Variants in ART3 observed in about 807,000 individuals in gnomAD.
ART3 encodes the protein ADP-ribosyltransferase 3 (inactive), also known as ecto-ADP-ribosyltransferase 3.
A neutral mutation model predicts 48.5 loss-of-function variants in ART3; 49 were observed. That is an observed-to-expected ratio of 1.01 (90% CI 0.80 to 1.28). The LOEUF is 1.28. Ranked by LOEUF, ART3 falls within the 50% of genes most tolerant of loss-of-function variation. ART3 has a pLI of 0.00. For synonymous variants in ART3, 145 were observed against 157.2 expected, an observed-to-expected ratio of 0.92 and a Z score of 0.58; for missense variants, 438 against 454.3, an observed-to-expected ratio of 0.96 and a Z score of 0.33.
At chr4:76,073,674 C>T (rs369112136), upstream of ART3, among the ~76,000 whole-genome samples, 1 of 152,222 alleles carries the variant, frequency 6.6e-6, no homozygotes, top group Non-Finnish European at 1.5e-5. Flanking sequence ...ACCCAGCTAA[C>T]ATCTCAGATG....
At chr4:76,063,266 T>C (rs1578378915) in intron 1 of ART3, among the ~76,000 whole-genome samples, 1 of 152,196 alleles carries the variant, frequency 6.6e-6, no homozygotes, top group Non-Finnish European at 1.5e-5. Context: ...AGGTGCTCAG[T>C]AAACATTTGT....
At chr4:76,044,815 C>A (rs572620987) in intron 1 of ART3, among the ~76,000 whole-genome samples, 1 of 152,106 alleles carries the variant, frequency 6.6e-6, no homozygotes, top group East Asian at 1.9e-4. Context: ...CTGTTCTCCC[C>A]TCTCCTTCCC....
chr4:76,021,435 T>C (rs1483559241), intron 1 of ART3: 1 of 154,570 alleles, frequency 6.5e-6, no homozygotes, highest in African/African-American at 2.4e-5. Flanking sequence ...CCTTCCTGTA[T>C]GTGTTTGGAA....
At chr4:76,099,308 TTAATAA>T in intron 5 of ART3, 1 of 336,290 alleles carries the variant, frequency 3.0e-6, no homozygotes, top group Non-Finnish European at 5.7e-6. Context: ...GTCTCCAAAG[TTAATAA>T]TAATAATCCT....
intron 8 of ART3, among the ~76,000 whole-genome samples, chr4:76,101,434 G>A (rs72655512): frequency 0.12 from 18,922 of 152,232 alleles, 1,586 homozygotes; most frequent in African/African-American, 0.22. Context: ...CATTCCAAGT[G>A]TAACTTATCC....
chr4:76,088,018 G>T (rs139436592), intron 3 of ART3, among the ~76,000 whole-genome samples: 1 of 152,056 alleles, frequency 6.6e-6, no homozygotes, highest in Non-Finnish European at 1.5e-5. Flanking sequence ...CCCTTGACCC[G>T]AGGGATTCAG....
At chr4:76,024,099 T>C (rs142636238) in intron 1 of ART3, among the ~76,000 whole-genome samples, 253 of 152,340 alleles carry the variant, frequency 1.7e-3, no homozygotes, top group African/African-American at 5.7e-3. Flanking sequence ...GCCTCCAACA[T>C]AACTATTTTG....
intron 1 of ART3, among the ~76,000 whole-genome samples, chr4:76,032,556 A>G (rs2149399118): frequency 6.7e-6 from 1 of 150,190 alleles, no homozygotes; most frequent in African/African-American, 2.4e-5. Context: ...AAATCACTGT[A>G]AGTAGTCAAA....
intron 1 of ART3, among the ~76,000 whole-genome samples, chr4:76,018,844 A>G (rs1018506117): frequency 2.2e-4 from 34 of 152,240 alleles, no homozygotes; most frequent in African/African-American, 8.2e-4. Flanking sequence ...CCTGGGCAAC[A>G]TGGTGAAGCC....
chr4:76,109,164 CACTT>C (rs573340289), intron 11 of ART3, among the ~76,000 whole-genome samples: 2 of 152,118 alleles, frequency 1.3e-5, no homozygotes, highest in Non-Finnish European at 2.9e-5. Flanking sequence ...TTTGTAATAA[CACTT>C]AGCTTAAAAC....
intron 1 of ART3, among the ~76,000 whole-genome samples, chr4:76,033,454 C>G (rs1734058727): frequency 6.6e-6 from 1 of 152,172 alleles, no homozygotes; most frequent in Non-Finnish European, 1.5e-5. Flanking sequence ...TTTGGCTTCT[C>G]TCTTTTGGCC....
chr4:76,080,805 G>A (rs541866178), intron 2 of ART3, among the ~76,000 whole-genome samples: 1 of 152,164 alleles, frequency 6.6e-6, no homozygotes, highest in East Asian at 1.9e-4. Context: ...CACTGCACCT[G>A]GCCTTTTATC....
intron 3 of ART3, among the ~76,000 whole-genome samples, chr4:76,092,278 C>T (rs1725070652): frequency 6.6e-6 from 1 of 152,158 alleles, no homozygotes; most frequent in East Asian, 1.9e-4. Flanking sequence ...TTTCTGTCAG[C>T]TGTATCCAAA....
intron 1 of ART3, chr4:76,022,085 G>A: frequency 1.1e-6 from 1 of 872,798 alleles, no homozygotes; most frequent in Admixed American, 2.0e-5. Context: ...TGGATTATAG[G>A]GGTTGCTTTT....
intron 1 of ART3, chr4:76,041,190 T>A (rs1734941363): frequency 6.6e-6 from 1 of 152,222 alleles, no homozygotes; most frequent in Non-Finnish European, 1.5e-5. Flanking sequence ...TTCTGCTGGC[T>A]TTGTAGATGT....
chr4:76,049,726 C>G lies in ART3; in HGVS notation c.-9-26155C>G, dbSNP rs116534425. 7.3e-3 allele frequency among the ~76,000 whole-genome samples: 1,101 copies of G among 151,830 alleles called. 11 individuals are homozygous for G. The highest frequency in any genetic ancestry group is 0.026 in the African/African-American group (1,060 of 41,454). On this transcript the variant is annotated intron_variant, in intron 1 of 9. Coordinates refer to the ART3 transcript ENST00000341029. ...GCTTGGCGATAGGCGATTGTCTCAC[C>G]GCTCGGCGATAGGCGATGGTCTTAC...
intron 3 of ART3, among the ~76,000 whole-genome samples, chr4:76,087,333 T>A (rs552113764): frequency 6.6e-6 from 1 of 152,184 alleles, no homozygotes; most frequent in Admixed American, 6.5e-5. Flanking sequence ...TGTACTCGAG[T>A]GTGTTGATTT....
At chr4:76,057,940 A>G (rs1351278022) in intron 1 of ART3, 1 of 152,166 alleles carries the variant, frequency 6.6e-6, no homozygotes, top group East Asian at 1.9e-4. Flanking sequence ...TTTGGTTTTT[A>G]TTTGTAATAT....
chr4:76,062,932 T>C (rs1334855693), intron 1 of ART3, among the ~76,000 whole-genome samples: 1 of 152,002 alleles, frequency 6.6e-6, no homozygotes, highest in Admixed American at 6.6e-5. Context: ...CTTCTAGCTA[T>C]TCTCTCTGTA....
Sources: gnomAD v4.1 joint callset for allele counts (sites outside exome capture counted in the v4.1 genomes callset) on GRCh38, gnomAD v4.1.1 for gene constraint, MANE v1.5 for transcripts, NCBI Gene and HGNC (gene_info 2026-07-23, HGNC 2026-07-21) for gene names.